RHBDF2: variants seen among roughly 807,000 people sequenced by gnomAD.
RHBDF2 encodes the protein rhomboid 5 homolog 2.
In RHBDF2, 38 loss-of-function variants were observed where a neutral mutation model predicts 95.2. That is an observed-to-expected ratio of 0.40 (90% CI 0.31 to 0.52). RHBDF2 has a LOEUF of 0.52. Among genes scored for constraint, RHBDF2 ranks in the 20% least tolerant of loss-of-function variants. RHBDF2 has a pLI of 0.56. For synonymous variants in RHBDF2, 442 were observed against 462.0 expected, an observed-to-expected ratio of 0.96 and a Z score of 0.55; for missense variants, 863 against 1,137.7, an observed-to-expected ratio of 0.76 and a Z score of 3.47.
At chr17:76,490,291 C>G (rs912340123) in intron 1 of RHBDF2, among the ~76,000 whole-genome samples, 1 of 152,162 alleles carries the variant, frequency 6.6e-6, no homozygotes, top group Non-Finnish European at 1.5e-5. Context: ...CCCCACCCCC[C>G]AGGGCAGACT....
In RHBDF2 at chr17:76,472,740, G is replaced by A; in HGVS notation, c.2010C>T (p.Leu670=). The change falls in exon 18 of 19, where the codon CTC becomes CTT. Residue 670 remains leucine, a synonymous_variant. Coordinates refer to ENST00000675367, the MANE Select transcript of RHBDF2 (RefSeq NM_001005498.4). ...TGGCGAGGTTGCCTGTGATGCCACT[G>A]AGGATGAAGATGATGGCGATACGGT... is the stretch of plus-strand genomic sequence containing the variant. ...GWHRIAIIFI[L]SGITGNLASA... The A allele has an allele frequency of 6.2e-7, 1 of 1,614,060 alleles. No homozygotes were observed. Among genetic ancestry groups the A allele is most frequent in the Non-Finnish European group, 8.5e-7 (1 of 1,179,986 alleles).
intron 1 of RHBDF2, among the ~76,000 whole-genome samples, chr17:76,493,462 A>G (rs934031806): frequency 1.3e-5 from 2 of 152,194 alleles, no homozygotes; most frequent in Admixed American, 6.5e-5. Context: ...AGAAGGGGCA[A>G]GAGTAAAGGG....
chr17:76,497,440 C>A (rs1207180264), intron 1 of RHBDF2, among the ~76,000 whole-genome samples: 1 of 152,240 alleles, frequency 6.6e-6, no homozygotes, highest in African/African-American at 2.4e-5. Flanking sequence ...CCCCCTACCC[C>A]AGACACAGCC....
intron 2 of RHBDF2, among the ~76,000 whole-genome samples, chr17:76,483,419 C>T (rs2074029096): frequency 6.6e-6 from 1 of 152,018 alleles, no homozygotes; most frequent in South Asian, 2.1e-4. Context: ...CCAAGAAGCT[C>T]GGATTACGGG....
At chr17:76,477,558 G>A in intron 7 of RHBDF2, 99 bp downstream of exon 7, 3 of 1,345,760 alleles carry the variant, frequency 2.2e-6, no homozygotes, top group South Asian at 1.3e-5. Context: ...GGGCCTCTGG[G>A]TCCCTCAGGG....
chr17:76,500,191 G>A (rs1020685520), intron 1 of RHBDF2, among the ~76,000 whole-genome samples: 1 of 152,114 alleles, frequency 6.6e-6, no homozygotes, highest in Non-Finnish European at 1.5e-5. Flanking sequence ...AACACCTTGG[G>A]CTGGATAATT....
intron 1 of RHBDF2, among the ~76,000 whole-genome samples, chr17:76,489,882 G>A (rs947536485): frequency 6.6e-6 from 1 of 152,206 alleles, no homozygotes; most frequent in African/African-American, 2.4e-5. Context: ...TAGCTAGGAC[G>A]CCCGATGTCT....
At position 76,472,824 on chromosome 17, in the gene RHBDF2, G is replaced by A. The variant is rs777681843; in HGVS notation, c.1926C>T (p.Leu642=). 7 of 1,596,054 alleles carry A rather than the reference G, an allele frequency of 4.4e-6. No homozygotes were observed. The Admixed American group carries it at 5.3e-5, about 12-fold the overall frequency. The change falls in exon 18 of 19, where the codon CTC becomes CTT. Residue 642 remains leucine (L), a synonymous_variant. Coordinates refer to ENST00000675367, the MANE Select transcript of RHBDF2 (RefSeq NM_001005498.4). ...TGGTCATTTGAAAGACCACAGACAC[G>A]AGGCAGTGCACCACGCTGGGGGAGG... The part of the protein sequence containing the change: ...LFLHAGVVHC[L]VSVVFQMTIL...
rs1316615275 is a variant in RHBDF2, at chr17:76,476,858, G to A, written c.1087C>T (p.Arg363Trp). The A allele has an allele frequency of 2.5e-6, 4 of 1,610,950 alleles. No homozygotes were observed. The highest frequency in any genetic ancestry group is 1.7e-5 in the Admixed American group (1 of 59,792). ...YRRSISSTVQ[R>W]QLESFDSHRP... ...TGGCTGTCGAAGCTCTCCAGCTGCC[G>A]CTGCACAGTGCTGCTGATGCTGCGG... The change falls in exon 9 of 19, where the codon CGG (arginine) becomes TGG (tryptophan). Residue 363 changes from arginine to tryptophan, a missense_variant. Transcript: ENST00000675367.
chr17:76,474,627 G>T (rs773184182), intron 11 of RHBDF2, 93 bp from the exon 12 acceptor site: 1 of 1,611,782 alleles, frequency 6.2e-7, no homozygotes, highest in Admixed American at 1.7e-5. Flanking sequence ...AGTCTCCCCT[G>T]ATGAGGGGCC....
intron 1 of RHBDF2, among the ~76,000 whole-genome samples, chr17:76,496,017 T>C (rs1175790446): frequency 6.6e-6 from 1 of 152,112 alleles, no homozygotes; most frequent in African/African-American, 2.4e-5. Context: ...GCTCTCTTGC[T>C]GAGGAATGAG....
At chr17:76,497,969 GC>G (rs2074469464) in intron 1 of RHBDF2, among the ~76,000 whole-genome samples, 1 of 152,222 alleles carries the variant, frequency 6.6e-6, no homozygotes, top group Non-Finnish European at 1.5e-5. Context: ...GGGCACTGGG[GC>G]TGGAACTGCC....
chr17:76,500,392 G>T (rs2074549030), intron 1 of RHBDF2, among the ~76,000 whole-genome samples: 1 of 152,084 alleles, frequency 6.6e-6, no homozygotes, highest in Admixed American at 6.5e-5. Context: ...TCTAAAACAC[G>T]CCTCCCTTTC....
At chr17:76,490,723 C>T (rs962498016) in intron 1 of RHBDF2, among the ~76,000 whole-genome samples, 2 of 152,170 alleles carry the variant, frequency 1.3e-5, no homozygotes, top group South Asian at 2.1e-4. Context: ...CACACCCTCA[C>T]CAGACAAAAC....
intron 6 of RHBDF2, among the ~76,000 whole-genome samples, chr17:76,478,168 C>T (rs1236713237): frequency 6.6e-6 from 1 of 152,226 alleles, no homozygotes; most frequent in East Asian, 1.9e-4. Context: ...TACCAGGTCC[C>T]TGCCCACCTT....
intron 1 of RHBDF2, among the ~76,000 whole-genome samples, chr17:76,495,667 C>T (rs1264587779): frequency 3.3e-5 from 5 of 152,140 alleles, no homozygotes; most frequent in East Asian, 1.9e-4. Context: ...TGGGTGTGAG[C>T]ATGCAGAGCC....
At chr17:76,473,133 C>T (rs1267524737) in intron 16 of RHBDF2, 28 bp from the exon 17 acceptor site, 2 of 1,601,354 alleles carry the variant, frequency 1.2e-6, no homozygotes, top group East Asian at 2.2e-5. Flanking sequence ...GTGCTCAGCG[C>T]CCCAGAAGCA....
At chr17:76,479,878 A>G (rs1376236252) in intron 3 of RHBDF2, 24 bp from the exon 4 acceptor site, 1 of 1,611,094 alleles carries the variant, frequency 6.2e-7, no homozygotes, top group Non-Finnish European at 8.5e-7. Context: ...GAGGGAGGGC[A>G]GGCGGTGGTG....
chr17:76,474,337 G>C (rs1272570551), intron 12 of RHBDF2, 36 bp downstream of exon 12: 4 of 1,599,360 alleles, frequency 2.5e-6, no homozygotes, highest in Non-Finnish European at 2.6e-6. Flanking sequence ...CCGGGACCAG[G>C]GTCTGGCAGG....
Sources: gnomAD v4.1 joint callset for allele counts (sites outside exome capture counted in the v4.1 genomes callset) on GRCh38, gnomAD v4.1.1 for gene constraint, MANE v1.5 for transcripts, NCBI Gene and HGNC (gene_info 2026-07-23, HGNC 2026-07-21) for gene names.